SPAG16: variants seen among roughly 807,000 people sequenced by gnomAD.
The protein encoded by SPAG16 is sperm-associated antigen 16 protein.
A neutral mutation model predicts 80.4 loss-of-function variants in SPAG16; 86 were observed. The ratio of observed to expected loss-of-function variants is 1.07; its 90% CI spans 0.90 to 1.28. The LOEUF (loss-of-function observed/expected upper bound fraction) is 1.28, where lower values mean the gene tolerates loss of function less well. SPAG16 is among the 50% of genes most tolerant of loss of function. SPAG16 has a pLI of 0.00. For synonymous variants in SPAG16, 294 were observed against 265.9 expected (o/e 1.11, Z -1.03); for missense variants, 870 against 765.3 (o/e 1.14, Z -1.61).
intron 12 of SPAG16, among the ~76,000 whole-genome samples, chr2:213,960,010 T>C (rs2044334466): frequency 6.6e-6 from 1 of 152,234 alleles, no homozygotes; most frequent in South Asian, 2.1e-4. Context: ...CCTTACAGTA[T>C]TCCCACAATA....
chr2:213,993,733 C>T (rs1358499680), intron 12 of SPAG16, among the ~76,000 whole-genome samples: 2 of 152,158 alleles, frequency 1.3e-5, no homozygotes, highest in Non-Finnish European at 2.9e-5. Context: ...ATAGGATGTG[C>T]TTCTGTATTG....
At chr2:213,960,037 C>T (rs185900606) in intron 12 of SPAG16, among the ~76,000 whole-genome samples, 25 of 152,264 alleles carry the variant, frequency 1.6e-4, no homozygotes, top group Admixed American at 9.2e-4. Flanking sequence ...TGCTTGTTGA[C>T]GTTCAGAGAT....
At chr2:213,327,814 G>T (rs552629837) in intron 5 of SPAG16, among the ~76,000 whole-genome samples, 1 of 152,040 alleles carries the variant, frequency 6.6e-6, no homozygotes, top group Non-Finnish European at 1.5e-5. Context: ...TAAATTTAGC[G>T]CTTAGAAGAA....
chr2:214,222,652 A>G (rs967311993), intron 15 of SPAG16, among the ~76,000 whole-genome samples: 1 of 152,190 alleles, frequency 6.6e-6, no homozygotes, highest in African/African-American at 2.4e-5. Flanking sequence ...TATTGCTAGC[A>G]ATGTAATTAT....
At chr2:213,867,070 G>C (rs1402200410) in intron 11 of SPAG16, among the ~76,000 whole-genome samples, 1 of 152,128 alleles carries the variant, frequency 6.6e-6, no homozygotes, top group Non-Finnish European at 1.5e-5. Context: ...AATTGGTTCT[G>C]TTTTTATCTA....
At chr2:213,808,859 G>T (rs1362930588) in intron 10 of SPAG16, among the ~76,000 whole-genome samples, 1 of 152,152 alleles carries the variant, frequency 6.6e-6, no homozygotes, top group African/African-American at 2.4e-5. Flanking sequence ...TTAAATTTAA[G>T]AAGTGCTGGC....
At chr2:214,077,797 A>T (rs2051154152) in intron 13 of SPAG16, among the ~76,000 whole-genome samples, 1 of 152,206 alleles carries the variant, frequency 6.6e-6, no homozygotes, top group Non-Finnish European at 1.5e-5. Context: ...CTTCCCTCCC[A>T]GGATTAGTCA....
At chr2:213,896,525 A>G (rs548802427) in intron 11 of SPAG16, among the ~76,000 whole-genome samples, 3 of 150,754 alleles carry the variant, frequency 2.0e-5, no homozygotes, top group African/African-American at 7.3e-5. Flanking sequence ...AGTAGCCAAA[A>G]TGTGGAAGCA....
At chr2:213,332,200 G>A (rs569984302) in intron 5 of SPAG16, among the ~76,000 whole-genome samples, 1 of 152,190 alleles carries the variant, frequency 6.6e-6, no homozygotes, top group South Asian at 2.1e-4. Flanking sequence ...AGATGGAAAA[G>A]GAAACATTAC....
chr2:214,288,133 T>G (rs1359230273), intron 15 of SPAG16, among the ~76,000 whole-genome samples: 1 of 150,770 alleles, frequency 6.6e-6, no homozygotes, highest in African/African-American at 2.4e-5. Flanking sequence ...CTCCATGAGA[T>G]CAACTTTTTT....
chr2:213,848,120 C>T (rs2074721767), intron 10 of SPAG16, among the ~76,000 whole-genome samples: 1 of 152,114 alleles, frequency 6.6e-6, no homozygotes, highest in Non-Finnish European at 1.5e-5. Flanking sequence ...ATAAATTATG[C>T]AACTGAATAC....
intron 15 of SPAG16, among the ~76,000 whole-genome samples, chr2:214,395,400 C>A (rs1701310343): frequency 1.3e-5 from 2 of 152,136 alleles, no homozygotes; most frequent in African/African-American, 4.8e-5. Context: ...GTATGTGGTA[C>A]CTTACTGCTG....
At chr2:213,452,375 A>G (rs1024330777) in intron 9 of SPAG16, among the ~76,000 whole-genome samples, 3 of 152,188 alleles carry the variant, frequency 2.0e-5, no homozygotes, top group African/African-American at 7.2e-5. Flanking sequence ...GAAAACTCAA[A>G]GCCATCCTTG....
intron 10 of SPAG16, among the ~76,000 whole-genome samples, chr2:213,779,895 A>G (rs1244197721): frequency 1.3e-5 from 2 of 152,232 alleles, no homozygotes; most frequent in Non-Finnish European, 2.9e-5. Flanking sequence ...TATTACATGA[A>G]GAAGCAAAGG....
intron 10 of SPAG16, among the ~76,000 whole-genome samples, chr2:213,681,698 T>C (rs1213725569): frequency 1.3e-5 from 2 of 152,136 alleles, no homozygotes; most frequent in Non-Finnish European, 2.9e-5. Flanking sequence ...CAAGGAAAGA[T>C]GTGGGAAGCA....
chr2:213,466,205 G>T (rs2072685439), intron 9 of SPAG16, among the ~76,000 whole-genome samples: 1 of 152,140 alleles, frequency 6.6e-6, no homozygotes, highest in South Asian at 2.1e-4. Flanking sequence ...CTCACTTTGT[G>T]ATTGTGTGAG....
At chr2:214,135,000 T>C (rs2054970757) in intron 14 of SPAG16, among the ~76,000 whole-genome samples, 1 of 152,214 alleles carries the variant, frequency 6.6e-6, no homozygotes, top group African/African-American at 2.4e-5. Context: ...TATTTGTCCA[T>C]AATCTTCATC....
At chr2:214,235,743 G>T (rs1486008087) in intron 15 of SPAG16, among the ~76,000 whole-genome samples, 1 of 152,032 alleles carries the variant, frequency 6.6e-6, no homozygotes, top group Non-Finnish European at 1.5e-5. Context: ...ATACCAAATT[G>T]CAAGGTTTAA....
At chr2:214,088,244 T>C (rs1395393697) in intron 13 of SPAG16, among the ~76,000 whole-genome samples, 1 of 151,840 alleles carries the variant, frequency 6.6e-6, no homozygotes, top group African/African-American at 2.4e-5. Context: ...GTTATGGAAG[T>C]CTGTAAACAA....
Sources: gnomAD v4.1 joint callset for allele counts (sites outside exome capture counted in the v4.1 genomes callset) on GRCh38, gnomAD v4.1.1 for gene constraint, MANE v1.5 for transcripts, NCBI Gene and HGNC (gene_info 2026-07-23, HGNC 2026-07-21) for gene names.